Variants in SEL1L2 observed in about 807,000 individuals in gnomAD.
SEL1L2 encodes the protein protein sel-1 homolog 2.
A neutral mutation model predicts 98.8 loss-of-function variants in SEL1L2; 89 were observed. The ratio of observed to expected loss-of-function variants is 0.90; its 90% CI spans 0.76 to 1.07. SEL1L2 has a LOEUF of 1.07. SEL1L2 is among the 50% of genes least tolerant of loss of function. SEL1L2 has a pLI of 0.00. For synonymous variants in SEL1L2, 262 were observed against 278.5 expected, an observed-to-expected ratio of 0.94 and a Z score of 0.59; for missense variants, 788 against 812.0, an observed-to-expected ratio of 0.97 and a Z score of 0.36.
chr20:13,931,487 G>T (rs2049142636), intron 3 of SEL1L2, 116 bp downstream of exon 3: 2 of 551,668 alleles, frequency 3.6e-6, no homozygotes, highest in South Asian at 5.6e-5. Context: ...TAATGCTTTT[G>T]TGTGTATAAA....
intron 5 of SEL1L2, among the ~76,000 whole-genome samples, chr20:13,897,083 G>A (rs983977634): frequency 1.3e-5 from 2 of 152,142 alleles, no homozygotes; most frequent in Non-Finnish European, 2.9e-5. Context: ...GGAACAGAAT[G>A]CATAAAACAC....
rs1328258214 is a variant in SEL1L2, at chr20:13,888,487, C to T, written c.575G>A (p.Gly192Glu). 8.3e-6 allele frequency: 13 copies of T among 1,565,752 alleles called. No individual in the cohort carries two copies. The Admixed American group carries it at 2.4e-4, about 28-fold the overall frequency. Residue 192 changes from glycine to glutamate, a missense_variant, in exon 6 of 20, where the codon GGA becomes GAA. Physicochemically the swap from Gly to Glu is moderately conservative, Grantham distance 98. Transcript: ENST00000284951. ...AGCTTGATCATATTCCATTCCTATT[C>T]CATAAGAAGACAAAAATCCTAATGC... ...QNALGFLSSYGIGMEYDQAKA... is the reference protein window; with the variant it reads ...QNALGFLSSYEIGMEYDQAKA...
rs563957946 is a variant in SEL1L2, at chr20:13,941,936, T to C, written c.115-10165A>G. On this transcript the variant is annotated intron_variant, in intron 2 of 19. Coordinates refer to ENST00000284951, the MANE Select transcript of SEL1L2 (RefSeq NM_025229.2). ...CAATCAAAGACATTTCTTGTTTTCC[T>C]TAACAATCTATGTCCCTTTTTTCTT... 2.6e-5 allele frequency among the ~76,000 whole-genome samples: 4 copies of C among 152,328 alleles called. No individual in the cohort carries two copies. The East Asian group carries it at 7.7e-4, about 29-fold the overall frequency.
chr20:13,985,848 A>T (rs2052153118), intron 1 of SEL1L2, among the ~76,000 whole-genome samples: 1 of 152,176 alleles, frequency 6.6e-6, no homozygotes, highest in South Asian at 2.1e-4. Context: ...CCAGTAACCG[A>T]CTTTCAGTCT....
At chr20:13,974,964 C>T (rs1292044554) in intron 1 of SEL1L2, among the ~76,000 whole-genome samples, 1 of 152,102 alleles carries the variant, frequency 6.6e-6, no homozygotes, top group Non-Finnish European at 1.5e-5. Context: ...CTAAATCTCT[C>T]AATCATGGAA....
intron 2 of SEL1L2, among the ~76,000 whole-genome samples, chr20:13,939,079 T>C (rs2049620767): frequency 1.4e-5 from 2 of 146,552 alleles, no homozygotes; most frequent in African/African-American, 2.5e-5. Context: ...AGTCTCGCCC[T>C]GTCACCTGGG....
intron 1 of SEL1L2, among the ~76,000 whole-genome samples, chr20:13,959,559 C>T (rs1005164553): frequency 8.5e-5 from 13 of 152,210 alleles, no homozygotes; most frequent in African/African-American, 3.1e-4. Context: ...AAAAGTCAAA[C>T]GAATTAGGCT....
chr20:13,877,419 A>G, intron 11 of SEL1L2, 101 bp downstream of exon 11: 1 of 885,080 alleles, frequency 1.1e-6, no homozygotes, highest in South Asian at 1.5e-5. Flanking sequence ...TTCCACCTCA[A>G]CTTCCCAAGT....
At chr20:13,970,499 T>C (rs2051235428) in intron 1 of SEL1L2, among the ~76,000 whole-genome samples, 1 of 152,206 alleles carries the variant, frequency 6.6e-6, no homozygotes, top group Non-Finnish European at 1.5e-5. Context: ...TCCAAAAAGC[T>C]ACCATTCTAC....
intron 18 of SEL1L2, among the ~76,000 whole-genome samples, chr20:13,858,384 A>G (rs984194224): frequency 1.3e-5 from 2 of 151,984 alleles, no homozygotes; most frequent in Non-Finnish European, 2.9e-5. Context: ...ACCAAAAAAC[A>G]GGGTCAGATA....
In SEL1L2 at chr20:13,876,033, C is replaced by A; in HGVS notation, c.1104+5G>T. On this transcript the variant is annotated splice_donor_5th_base_variant and intron_variant, in intron 12 of 19. Transcript: ENST00000284951. ...TGTGTTTACAACAGTGCATTGAGGA[C>A]ATACCTTACTGGCTGCCATGGAAAA... 1 of 1,609,904 alleles carries A rather than the reference C, an allele frequency of 6.2e-7. No individual in the cohort carries two copies. Among genetic ancestry groups the A allele is most frequent in the Non-Finnish European group, 8.5e-7 (1 of 1,176,134 alleles).
intron 5 of SEL1L2, among the ~76,000 whole-genome samples, chr20:13,893,173 C>A (rs1162496936): frequency 6.6e-6 from 1 of 152,192 alleles, no homozygotes; most frequent in African/African-American, 2.4e-5. Flanking sequence ...CTCCCCTGCC[C>A]TGTGTTTTTG....
At chr20:13,994,884 T>C (rs2052604603), upstream of SEL1L2, 1 of 152,248 alleles carries the variant, frequency 6.6e-6, no homozygotes, top group South Asian at 2.1e-4. Context: ...CTTTCTAAAC[T>C]TCACCAAATT....
intron 3 of SEL1L2, among the ~76,000 whole-genome samples, chr20:13,923,434 G>A (rs534656401): frequency 6.6e-6 from 1 of 152,096 alleles, no homozygotes; most frequent in Non-Finnish European, 1.5e-5. Context: ...CCTTGTGTGT[G>A]GCCAATTTTT....
chr20:13,859,874 T>C (rs1989816186), intron 17 of SEL1L2, among the ~76,000 whole-genome samples: 1 of 152,188 alleles, frequency 6.6e-6, no homozygotes, highest in Admixed American at 6.5e-5. Context: ...TAACTTTTTT[T>C]TGCATTTTTA....
At chr20:13,885,023 G>A (rs2046884247) in intron 10 of SEL1L2, among the ~76,000 whole-genome samples, 1 of 152,140 alleles carries the variant, frequency 6.6e-6, no homozygotes, top group Non-Finnish European at 1.5e-5. Context: ...CAGGCCGGCA[G>A]GTGGGGATAT....
chr20:13,850,357 T>C, intron 18 of SEL1L2, 38 bp from the exon 19 acceptor site: 1 of 1,609,000 alleles, frequency 6.2e-7, no homozygotes, highest in Non-Finnish European at 8.5e-7. Context: ...TCAGATTCTG[T>C]AGGGGTAAGT....
chr20:13,931,732 A>G lies in SEL1L2; in HGVS notation c.154T>C (p.Leu52=). The G allele has an allele frequency of 6.4e-7, 1 of 1,557,480 alleles. No homozygotes were observed. The highest frequency in any genetic ancestry group is 8.6e-7 in the Non-Finnish European group (1 of 1,156,340). Residue 52 remains leucine (L), a synonymous_variant, in exon 3 of 20, where the codon TTG becomes CTG. Coordinates refer to ENST00000284951, the MANE Select transcript of SEL1L2 (RefSeq NM_025229.2). ...NEIKQYLSHI[L]EQRTSSNVIN... ...ACATTACTAGATGTTCTTTGTTCCA[A>G]TATGTGTGATAAATATTGTTTGATT... is the stretch of plus-strand genomic sequence containing the variant.
At chr20:13,975,097 C>T (rs1302112270) in intron 1 of SEL1L2, among the ~76,000 whole-genome samples, 3 of 151,954 alleles carry the variant, frequency 2.0e-5, no homozygotes, top group Admixed American at 6.6e-5. Flanking sequence ...GTTTTTTTTA[C>T]TACATTTTAT....
Sources: gnomAD v4.1 joint callset for allele counts (sites outside exome capture counted in the v4.1 genomes callset) on GRCh38, gnomAD v4.1.1 for gene constraint, MANE v1.5 for transcripts, NCBI Gene and HGNC (gene_info 2026-07-23, HGNC 2026-07-21) for gene names.